DIP2C: variants seen among roughly 807,000 people sequenced by gnomAD.
DIP2C encodes DIP2 acetate--CoA ligase C (putative).
DIP2C carries 33 observed loss-of-function variants against 192.4 expected under a neutral mutation model. That is an observed-to-expected ratio of 0.17 (90% CI 0.13 to 0.23). DIP2C has a LOEUF of 0.23. Ranked by LOEUF, DIP2C falls within the 10% of genes least tolerant of loss-of-function variation. DIP2C has a pLI of 1.00. For missense variants in DIP2C, 1,537 were observed against 2,110.1 expected, an observed-to-expected ratio of 0.73 and a Z score of 5.32; for synonymous variants, 979 against 864.1, an observed-to-expected ratio of 1.13 and a Z score of -2.33.
intron 1 of DIP2C, among the ~76,000 whole-genome samples, chr10:607,038 T>G (rs1193927315): frequency 6.6e-6 from 1 of 152,206 alleles, no homozygotes; most frequent in Non-Finnish European, 1.5e-5. Context: ...AAGACCGATC[T>G]GTGTCCCGTG....
chr10:298,871 G>C (rs1955883349), intron 32 of DIP2C, among the ~76,000 whole-genome samples: 1 of 152,156 alleles, frequency 6.6e-6, no homozygotes, highest in African/African-American at 2.4e-5. Flanking sequence ...TGCTGAAATG[G>C]TCCAACTTGG....
At position 387,802 on chromosome 10, in the gene DIP2C, G is replaced by A. The variant is rs756938154; in HGVS notation, c.1605C>T (p.Thr535=). 1 of 1,614,124 alleles carries A rather than the reference G, an allele frequency of 6.2e-7. No individual in the cohort carries two copies. The highest frequency in any genetic ancestry group is 1.3e-5 in the African/African-American group (1 of 74,938). ...TCTTGAAATCCAGCACATTCACAAT[G>A]GTTTCAGCTGCACAACAGAGGGAGT... is the stretch of plus-strand genomic sequence containing the variant. The part of the protein sequence containing the change: ...TQACGYTEAE[T]IVNVLDFKKD... The change falls in exon 14 of 37, where the codon ACC becomes ACT. Residue 535 remains threonine (T), a synonymous_variant. Transcript: ENST00000280886.
At chr10:607,447 G>A (rs1015752361) in intron 1 of DIP2C, among the ~76,000 whole-genome samples, 1 of 152,026 alleles carries the variant, frequency 6.6e-6, no homozygotes, top group African/African-American at 2.4e-5. Context: ...TTTTTTCATT[G>A]TATCCCTCTA....
chr10:344,692 T>C (rs989995845), intron 28 of DIP2C, 117 bp downstream of exon 28: 32 of 814,464 alleles, frequency 3.9e-5, no homozygotes, highest in Non-Finnish European at 6.2e-5. Context: ...TATGTATACC[T>C]CTTTCCACAT....
At chr10:559,974 C>CA (rs1165395638) in intron 1 of DIP2C, among the ~76,000 whole-genome samples, 8 of 142,908 alleles carry the variant, frequency 5.6e-5, no homozygotes, top group South Asian at 2.3e-4. Flanking sequence ...CTCTCCCCCC[C>CA]ACTCCTGTTC....
chr10:600,572 C>T (rs78912225), intron 1 of DIP2C, among the ~76,000 whole-genome samples: 1 of 100,676 alleles, frequency 9.9e-6, no homozygotes, highest in South Asian at 2.6e-4. Flanking sequence ...CGGATGCTCC[C>T]GTGCGACCCC....
At position 651,524 on chromosome 10, in the gene DIP2C, C is replaced by A; in HGVS notation, c.85+37970G>T. On this transcript the variant is annotated intron_variant, in intron 1 of 36. Transcript: ENST00000280886. The surrounding 1 kb of genome is among the most constrained non-coding windows in gnomAD (Gnocchi z 4.1). ...TCCGTATCCACGTGAAGGTATTATG[C>A]AAAAAAAGCTTAACTTTGTTTCAGT... 2 of 494,474 alleles carry A rather than the reference C, an allele frequency of 4.0e-6. No homozygotes were observed. The highest frequency in any genetic ancestry group is 3.1e-5 in the Admixed American group (1 of 31,760). 30.6% of individuals were successfully genotyped at this position (494,474 alleles called of 1,614,324 possible).
intron 1 of DIP2C, among the ~76,000 whole-genome samples, chr10:501,883 A>T (rs1186170043): frequency 6.6e-6 from 1 of 152,108 alleles, no homozygotes; most frequent in Non-Finnish European, 1.5e-5. Context: ...GCTGGCTCAC[A>T]CCTGTAATCC....
chr10:594,156 G>A (rs151260148), intron 1 of DIP2C, among the ~76,000 whole-genome samples: 3 of 152,338 alleles, frequency 2.0e-5, no homozygotes, highest in Admixed American at 1.3e-4. Flanking sequence ...GTTGCAGACT[G>A]GGAGAGAACG....
intron 1 of DIP2C, among the ~76,000 whole-genome samples, chr10:571,441 G>T (rs776216723): frequency 6.6e-6 from 1 of 151,436 alleles, no homozygotes; most frequent in South Asian, 2.1e-4. Flanking sequence ...CCTGCCCACT[G>T]CCCTCTCTCT....
Position 568,787 on chromosome 10 carries a change from AAAAAAAAAAAAC to A in DIP2C, c.86-82269_86-82258del, listed in dbSNP as rs1386993323. Among the ~76,000 whole-genome samples, 890 of 145,410 alleles carry A rather than the reference AAAAAAAAAAAAC, an allele frequency of 6.1e-3. 29 individuals are homozygous for A. The highest frequency in any genetic ancestry group is 0.021 in the African/African-American group (824 of 38,748). ...TCTCAAAAAAAAAAAAAAAAAAAAA[AAAAAAAAAAAAC>A]CTTCACTTGATCTGCAAGATGGCTG... On this transcript the variant is annotated intron_variant, in intron 1 of 36. Coordinates refer to ENST00000280886, the MANE Select transcript of DIP2C (RefSeq NM_014974.3).
chr10:314,567 C>T (rs1446895802), intron 31 of DIP2C, among the ~76,000 whole-genome samples: 1 of 152,246 alleles, frequency 6.6e-6, no homozygotes, highest in Admixed American at 6.5e-5. Flanking sequence ...CGCCGTCCTT[C>T]CCATGGTCTG....
chr10:406,652 T>C (rs1003899542), intron 9 of DIP2C, among the ~76,000 whole-genome samples: 1 of 152,192 alleles, frequency 6.6e-6, no homozygotes, highest in African/African-American at 2.4e-5. Flanking sequence ...GTAATAGCCC[T>C]TTCCCGAAAT....
At chr10:615,325 T>C (rs1296807429) in intron 1 of DIP2C, among the ~76,000 whole-genome samples, 1 of 152,190 alleles carries the variant, frequency 6.6e-6, no homozygotes, top group South Asian at 2.1e-4. Context: ...AAGCACTGCA[T>C]GGCTGCTTCT....
At chr10:291,116 G>A (rs187387878) in intron 32 of DIP2C, among the ~76,000 whole-genome samples, 1,718 of 152,338 alleles carry the variant, frequency 0.011, 10 homozygotes, top group Middle Eastern at 0.02. Context: ...GGGCATGGAG[G>A]AAAACAAGAC....
intron 1 of DIP2C, among the ~76,000 whole-genome samples, chr10:520,877 TG>T (rs1446217163): frequency 2.6e-5 from 4 of 152,270 alleles, no homozygotes; most frequent in African/African-American, 4.8e-5. Context: ...TTTTTATATA[TG>T]TTTTAATCAA....
chr10:596,252 G>A (rs1851691662), intron 1 of DIP2C, among the ~76,000 whole-genome samples: 4 of 152,188 alleles, frequency 2.6e-5, no homozygotes, highest in Admixed American at 2.0e-4. Flanking sequence ...GCTCACGCCT[G>A]TAATCCCAGC....
chr10:298,391 C>CT (rs1161806481), intron 32 of DIP2C, among the ~76,000 whole-genome samples: 2 of 152,250 alleles, frequency 1.3e-5, no homozygotes, highest in Non-Finnish European at 2.9e-5. Flanking sequence ...CAAAGCCCCC[C>CT]TGCTCATCAC....
intron 1 of DIP2C, among the ~76,000 whole-genome samples, chr10:549,431 A>C (rs1848475348): frequency 6.6e-6 from 1 of 152,154 alleles, no homozygotes. Flanking sequence ...GCCCATCCAC[A>C]AGCCAACAGG....
Sources: allele counts gnomAD v4.1 joint callset (sites outside exome capture counted in the v4.1 genomes callset), GRCh38; gene constraint gnomAD v4.1.1; non-coding constraint Gnocchi (gnomAD v3.1); transcripts MANE v1.5; gene names NCBI Gene and HGNC (gene_info 2026-07-23, HGNC 2026-07-21).